Variants in CHERP observed in about 807,000 individuals in gnomAD.
The protein encoded by CHERP is calcium homeostasis endoplasmic reticulum protein.
A neutral mutation model predicts 113.8 loss-of-function variants in CHERP; 8 were observed. The observed-to-expected ratio is 0.07, with a 90% CI of 0.04 to 0.13. The LOEUF (loss-of-function observed/expected upper bound fraction) is 0.13, where lower values mean the gene tolerates loss of function less well. Ranked by LOEUF, CHERP falls within the 10% of genes least tolerant of loss-of-function variation. The pLI, the probability that CHERP is intolerant of heterozygous loss-of-function variation, is 1.00. For missense variants in CHERP, 884 were observed against 1,298.2 expected (o/e 0.68, Z 4.90); for synonymous variants, 559 against 524.5 (o/e 1.07, Z -0.90).
rs1356348143 is a variant in CHERP at position 16,520,794 on chromosome 19, C to T, written c.2201+32G>A. 3 of 1,601,334 alleles carry T rather than the reference C, an allele frequency of 1.9e-6. No homozygotes were observed. Among genetic ancestry groups the T allele is most frequent in the East Asian group, 2.2e-5 (1 of 44,836 alleles). On this transcript the variant is annotated intron_variant, in intron 13 of 16. Coordinates refer to ENST00000546361, the MANE Select transcript of CHERP (RefSeq NM_006387.6). This position sits in a 1 kb window ranked among gnomAD's most constrained non-coding sequence, Gnocchi z 4.0. ...CCCATCACAAGCTGTGGACCCTGGC[C>T]CCCCGGCCACTGCAGACATCTGCGC...
At chr19:16,521,238 A>G (rs1352925708) in intron 12 of CHERP, 3 of 568,392 alleles carry the variant, frequency 5.3e-6, no homozygotes, top group Non-Finnish European at 9.4e-6. Flanking sequence ...AGGGGTGACC[A>G]CTGGGAAGGG....
chr19:16,536,399 C>T (rs1341343292), intron 2 of CHERP, among the ~76,000 whole-genome samples: 4 of 152,182 alleles, frequency 2.6e-5, no homozygotes, highest in Non-Finnish European at 5.9e-5. Context: ...CCTCTCTCTC[C>T]GTCTTGGGGC....
chr19:16,529,573 C>T, intron 8 of CHERP, 75 bp downstream of exon 8: 1 of 1,489,354 alleles, frequency 6.7e-7, no homozygotes, highest in Non-Finnish European at 9.0e-7. Context: ...TGGCAGACTG[C>T]TTTCTGACTA....
intron 8 of CHERP, 31 bp downstream of exon 8, chr19:16,529,617 G>A (rs774632506): frequency 1.3e-6 from 2 of 1,530,196 alleles, no homozygotes; most frequent in South Asian, 1.2e-5. Context: ...GCTGTTTCCT[G>A]GGGGCAGGCT....
chr19:16,528,705 G>A (rs1302251704), intron 8 of CHERP, among the ~76,000 whole-genome samples: 1 of 152,180 alleles, frequency 6.6e-6, no homozygotes, highest in Non-Finnish European at 1.5e-5. Flanking sequence ...TGTAATCCCA[G>A]CACTTTGGGA....
Position 16,520,054 on chromosome 19 carries a change from TA to T in CHERP, c.2462+94del. ...CCCCGGGCTAATGCTGGCGGCCTCC[TA>T]ACACAGTCTCCTAACCACCAATGTT... On this transcript the variant is annotated intron_variant, in intron 15 of 16. Coordinates refer to ENST00000546361, the MANE Select transcript of CHERP (RefSeq NM_006387.6). This position sits in a 1 kb window ranked among gnomAD's most constrained non-coding sequence, Gnocchi z 4.0. 1.5e-6 allele frequency: 2 copies of T among 1,343,266 alleles called. No individual in the cohort carries two copies. Among genetic ancestry groups the T allele is most frequent in the Non-Finnish European group, 2.1e-6 (2 of 953,336 alleles). 83.2% of individuals were successfully genotyped at this position (1,343,266 alleles called of 1,614,324 possible).
At chr19:16,539,277 A>G (rs1249251020) in intron 2 of CHERP, among the ~76,000 whole-genome samples, 1 of 150,940 alleles carries the variant, frequency 6.6e-6, no homozygotes, top group Non-Finnish European at 1.5e-5. Flanking sequence ...CCTCCCAAGT[A>G]GCTGGGACTA....
intron 3 of CHERP, among the ~76,000 whole-genome samples, chr19:16,534,658 T>C (rs1189795253): frequency 1.3e-5 from 2 of 151,914 alleles, no homozygotes; most frequent in African/African-American, 4.8e-5. Flanking sequence ...GTATTTTTCA[T>C]AGAGACAGGG....
intron 2 of CHERP, among the ~76,000 whole-genome samples, chr19:16,537,682 C>T (rs79270630): frequency 0.013 from 2,007 of 152,162 alleles, 39 homozygotes; most frequent in African/African-American, 0.046. Flanking sequence ...CAGTCTATGT[C>T]CCCGCTGTCA....
In CHERP at chr19:16,525,601, C is replaced by A. The variant is rs760459441; in HGVS notation, c.1382G>T (p.Gly461Val). Residue 461 changes from glycine to valine, a missense_variant, in exon 10 of 17, where the codon GGC (glycine) becomes GTC (valine). Coordinates refer to ENST00000546361, the MANE Select transcript of CHERP (RefSeq NM_006387.6). This position sits in a 1 kb window ranked among gnomAD's most constrained non-coding sequence, Gnocchi z 6.5. The stretch of plus-strand genomic sequence containing the variant: ...GTCACCGCGCTGCTCGCCCCACATG[C>A]CCTCATGGCTGTTGTTCCAGGGGGG... ...HCPPWNNSHE[G>V]MWGEQRGDPG... The A allele has an allele frequency of 6.5e-7, 1 of 1,536,008 alleles. No homozygotes were observed. The highest frequency in any genetic ancestry group is 1.2e-5 in the South Asian group (1 of 83,666).
chr19:16,526,727 A>T (rs902900108), intron 9 of CHERP, among the ~76,000 whole-genome samples: 1 of 151,966 alleles, frequency 6.6e-6, no homozygotes, highest in East Asian at 1.9e-4. Context: ...TCAGCCTCCC[A>T]AAGTGTGGGA....
chr19:16,535,649 G>A lies in CHERP; in HGVS notation c.200-13C>T. On this transcript the variant is annotated splice_polypyrimidine_tract_variant and intron_variant, in intron 2 of 16. Coordinates refer to ENST00000546361, the MANE Select transcript of CHERP (RefSeq NM_006387.6). This position sits in a 1 kb window ranked among gnomAD's most constrained non-coding sequence, Gnocchi z 4.3. ...TGCTTGCAGATGACTGGAGGGAGAGGAGGAGGGGTGCCCCATGAGAATGCA... is the reference window on the plus strand; with the variant it reads ...TGCTTGCAGATGACTGGAGGGAGAGAAGGAGGGGTGCCCCATGAGAATGCA... The A allele has an allele frequency of 6.7e-7, 1 of 1,492,910 alleles. No homozygotes were observed. The highest frequency in any genetic ancestry group is 8.9e-7 in the Non-Finnish European group (1 of 1,123,068). 92.5% of individuals were successfully genotyped at this position (1,492,910 alleles called of 1,614,324 possible). A position where few individuals can be genotyped will look rare whatever the true frequency, so the allele number is the denominator to read the frequency against.
Position 16,523,437 on chromosome 19 carries a change from G to T in CHERP, c.1742-147C>A. 3.3e-6 allele frequency: 3 copies of T among 897,370 alleles called. No individual in the cohort carries two copies. Among genetic ancestry groups the T allele is most frequent in the Non-Finnish European group, 3.4e-6 (2 of 596,020 alleles). 55.6% of individuals were successfully genotyped at this position (897,370 alleles called of 1,614,324 possible). On this transcript the variant is annotated intron_variant, in intron 10 of 16. Coordinates refer to ENST00000546361, the MANE Select transcript of CHERP (RefSeq NM_006387.6). This position sits in a 1 kb window ranked among gnomAD's most constrained non-coding sequence, Gnocchi z 4.0. Reference sequence around the variant, plus strand: ...CATCTTCTCTCACTGCTTAAGACCAGGCAGCAAGGCACCGAGGAGCCAGGC... The same window carrying T: ...CATCTTCTCTCACTGCTTAAGACCATGCAGCAAGGCACCGAGGAGCCAGGC...
Position 16,520,389 on chromosome 19 carries a change from G to A in CHERP, c.2320C>T (p.Arg774Cys), listed in dbSNP as rs201289066. Residue 774 changes from arginine (R) to cysteine (C), a missense_variant, in exon 14 of 17, where the codon CGT becomes TGT. This residue lies in a region of CHERP where 159 missense variants were observed against 185.8 expected (regional missense o/e 0.86). Transcript: ENST00000546361. The surrounding 1 kb of genome is among the most constrained non-coding windows in gnomAD (Gnocchi z 4.0). Reference sequence around the variant, plus strand: ...CTAGATCTGGAGCGGGAGTAGGAACGGGAGCAGGAGCGCGACCTTGACCTT... The same window carrying A: ...CTAGATCTGGAGCGGGAGTAGGAACAGGAGCAGGAGCGCGACCTTGACCTT... ...YSRSRSRSCS[R>C]SYSRSRSRSR... 1.4e-5 allele frequency: 22 copies of A among 1,613,790 alleles called. No homozygotes were observed. The Admixed American group carries it at 2.0e-4, about 15-fold the overall frequency.
In CHERP at chr19:16,525,612, G is replaced by A. The variant is rs1599748576; in HGVS notation, c.1371C>T (p.Asn457=). 2.0e-6 allele frequency: 3 copies of A among 1,534,838 alleles called. No homozygotes were observed. Among genetic ancestry groups the A allele is most frequent in the South Asian group, 2.4e-5 (2 of 83,586 alleles). Residue 457 remains asparagine (N), a synonymous_variant, in exon 10 of 17, where the codon AAC becomes AAT. Transcript: ENST00000546361. The surrounding 1 kb of genome is among the most constrained non-coding windows in gnomAD (Gnocchi z 6.5). ...GCTCGCCCCACATGCCCTCATGGCT[G>A]TTGTTCCAGGGGGGGCAGTGGGGTG... ...GGPPHCPPWN[N]SHEGMWGEQR...
chr19:16,524,224 G>A (rs1009696590), intron 10 of CHERP, among the ~76,000 whole-genome samples: 8 of 151,928 alleles, frequency 5.3e-5, no homozygotes, highest in Non-Finnish European at 1.2e-4. Flanking sequence ...TCCAGCCTGC[G>A]TGACAGTGAG....
chr19:16,519,082 A>T lies in CHERP; in HGVS notation c.*77T>A. 1 of 1,344,134 alleles carries T rather than the reference A, an allele frequency of 7.4e-7. No individual in the cohort carries two copies. Among genetic ancestry groups the T allele is most frequent in the Non-Finnish European group, 1.0e-6 (1 of 970,016 alleles). The allele number at this position is 1,344,134 out of a possible 1,614,324, so 83.3% of individuals were successfully genotyped here. On this transcript the variant is annotated 3_prime_UTR_variant, in exon 17 of 17. Transcript: ENST00000546361. This position sits in a 1 kb window ranked among gnomAD's most constrained non-coding sequence, Gnocchi z 6.0. ...GTGTAAGAACTGAGCTGTCACTGCA[A>T]TCTTCCTCTGCCAGTCAGCCAGGAA...
At position 16,523,247 on chromosome 19, in the gene CHERP, A is replaced by G; in HGVS notation, c.1785T>C (p.His595=). ...PHHHPGHRMP[H]PGINEHPPWA... ...AAGGCGGGTGCTCGTTGATGCCAGGATGAGGCATGCGGTGGCCAGGGTGGT... is the reference window on the plus strand; with the variant it reads ...AAGGCGGGTGCTCGTTGATGCCAGGGTGAGGCATGCGGTGGCCAGGGTGGT... The change falls in exon 11 of 17, where the codon CAT becomes CAC. Residue 595 remains histidine (H), a synonymous_variant. Coordinates refer to ENST00000546361, the MANE Select transcript of CHERP (RefSeq NM_006387.6). The surrounding 1 kb of genome is among the most constrained non-coding windows in gnomAD (Gnocchi z 4.0). The G allele has an allele frequency of 6.2e-7, 1 of 1,601,598 alleles. No individual in the cohort carries two copies. The highest frequency in any genetic ancestry group is 1.4e-5 in the African/African-American group (1 of 73,910).
rs1172387539 is a variant in CHERP at position 16,523,695 on chromosome 19, T to C, written c.1742-405A>G. Among the ~76,000 whole-genome samples, 1 of 152,068 alleles carries C rather than the reference T, an allele frequency of 6.6e-6. No homozygotes were observed. The highest frequency in any genetic ancestry group is 1.5e-5 in the Non-Finnish European group (1 of 68,022). Reference sequence around the variant, plus strand: ...TAGTGGCCCGAATCCAACGTGACTGTTGCCGTTATAATAAGAGATTAGGAC... The same window carrying C: ...TAGTGGCCCGAATCCAACGTGACTGCTGCCGTTATAATAAGAGATTAGGAC... On this transcript the variant is annotated intron_variant, in intron 10 of 16. Coordinates refer to ENST00000546361, the MANE Select transcript of CHERP (RefSeq NM_006387.6). This position sits in a 1 kb window ranked among gnomAD's most constrained non-coding sequence, Gnocchi z 4.0.
Sources: gnomAD v4.1 joint callset for allele counts (sites outside exome capture counted in the v4.1 genomes callset) on GRCh38, gnomAD v4.1.1 for gene constraint, gnomAD v4.1.1 regional missense constraint, Gnocchi (gnomAD v3.1) non-coding constraint, MANE v1.5 for transcripts, NCBI Gene and HGNC (gene_info 2026-07-23, HGNC 2026-07-21) for gene names.